Variants in C2orf80 observed in about 807,000 individuals in gnomAD.
C2orf80 encodes the protein uncharacterized protein C2orf80.
Under a neutral mutation model 30.2 loss-of-function variants are expected in C2orf80, and 28 were observed. The ratio of observed to expected loss-of-function variants is 0.93; its 90% confidence interval spans 0.69 to 1.27. The LOEUF (loss-of-function observed/expected upper bound fraction) is 1.27. Ranked by LOEUF, C2orf80 falls within the 50% of genes most tolerant of loss-of-function variation. C2orf80 has a pLI of 0.00. For synonymous variants in C2orf80, 80 were observed against 76.4 expected, an observed-to-expected ratio of 1.05 and a Z score of -0.24; for missense variants, 220 against 231.0, an observed-to-expected ratio of 0.95 and a Z score of 0.31.
Position 208,186,932 on chromosome 2 carries a change from TCA to T in C2orf80, c.41+12_41+13del. On this transcript the variant is annotated intron_variant, in intron 2 of 8. Coordinates refer to ENST00000341287, the MANE Select transcript of C2orf80 (RefSeq NM_001099334.3). ...CAAGTGTCATAAATGAAAGTTATTCTCAGTCATACTTACAAGAGCTTTTTCAT... is the reference window on the plus strand; with the variant it reads ...CAAGTGTCATAAATGAAAGTTATTCTGTCATACTTACAAGAGCTTTTTCAT... 6.2e-7 allele frequency: 1 copy of T among 1,611,270 alleles called. No individual in the cohort carries two copies. Among genetic ancestry groups the T allele is most frequent in the Non-Finnish European group, 8.5e-7 (1 of 1,177,330 alleles).
At chr2:208,172,408 A>T (rs1559337996) in intron 6 of C2orf80, among the ~76,000 whole-genome samples, 1 of 152,052 alleles carries the variant, frequency 6.6e-6, no homozygotes, top group African/African-American at 2.4e-5. Flanking sequence ...TAGCTCAAAT[A>T]TGACCCCTTC....
Position 208,171,037 on chromosome 2 carries a change from T to C in C2orf80, c.481A>G (p.Asn161Asp), listed in dbSNP as rs753334962. The change falls in exon 8 of 9, where the codon AAT (asparagine) becomes GAT (aspartate). Residue 161 changes from asparagine to aspartate, a missense_variant. Coordinates refer to ENST00000341287, the MANE Select transcript of C2orf80 (RefSeq NM_001099334.3). ...QSVKSRKVTT[N>D]KNATSISAKE... is the part of the protein sequence containing the mutation. ...GCAGAGATGCTGGTGGCATTTTTAT[T>C]TGTTGTTACCTTTCTTGACTTGACA... 5 of 1,614,100 alleles carry C rather than the reference T, an allele frequency of 3.1e-6. No homozygotes were observed. Among genetic ancestry groups the C allele is most frequent in the Non-Finnish European group, 4.2e-6 (5 of 1,179,922 alleles).
In C2orf80 at chr2:208,172,072, G is replaced by C. The variant is rs1160983759; in HGVS notation, c.370C>G (p.Pro124Ala). Residue 124 changes from proline (P) to alanine (A), a missense_variant, in exon 7 of 9, where the codon CCC becomes GCC. Coordinates refer to ENST00000341287, the MANE Select transcript of C2orf80 (RefSeq NM_001099334.3). Reference protein sequence around the residue: ...SSADSGTIKVPRVSSLCLSLH... With the variant: ...SSADSGTIKVARVSSLCLSLH... ...GAGAGGCAGAGAGATGAAACTCGGGGAACCTGAAAGGAAAACAGTCCTACT... is the reference window on the plus strand; with the variant it reads ...GAGAGGCAGAGAGATGAAACTCGGGCAACCTGAAAGGAAAACAGTCCTACT... 2 of 1,610,922 alleles carry C rather than the reference G, an allele frequency of 1.2e-6. No homozygotes were observed. Among genetic ancestry groups the C allele is most frequent in the Admixed American group, 3.3e-5 (2 of 59,990 alleles).
chr2:208,182,944 A>G, intron 4 of C2orf80, 21 bp downstream of exon 4: 1 of 1,590,360 alleles, frequency 6.3e-7, no homozygotes. Context: ...AGAGGAAAGC[A>G]ACAAACCTAC....
At chr2:208,188,332 G>A (rs1696779945) in intron 1 of C2orf80, among the ~76,000 whole-genome samples, 1 of 151,992 alleles carries the variant, frequency 6.6e-6, no homozygotes, top group South Asian at 2.1e-4. Context: ...TTTTGAAAAT[G>A]GTACCATATA....
At chr2:208,169,730 G>A (rs1308039428) in intron 8 of C2orf80, among the ~76,000 whole-genome samples, 1 of 141,084 alleles carries the variant, frequency 7.1e-6, no homozygotes, top group African/African-American at 2.6e-5. Context: ...AAAAAAAAAG[G>A]AAAAGAAAAA....
chr2:208,186,354 A>G (rs1051426177), intron 2 of C2orf80, among the ~76,000 whole-genome samples: 4 of 152,248 alleles, frequency 2.6e-5, no homozygotes, highest in Non-Finnish European at 5.9e-5. Flanking sequence ...GACATAGAAC[A>G]TAATCTTTCT....
intron 3 of C2orf80, 101 bp downstream of exon 3, chr2:208,184,850 G>A (rs1423339376): frequency 1.2e-5 from 10 of 864,866 alleles, no homozygotes; most frequent in Non-Finnish European, 1.8e-5. Context: ...GGGGATGGGT[G>A]TCAATATTAG....
At chr2:208,169,637 C>T (rs184313035) in intron 8 of C2orf80, among the ~76,000 whole-genome samples, 57 of 148,362 alleles carry the variant, frequency 3.8e-4, no homozygotes, top group African/African-American at 1.2e-3. Context: ...CGCTTGAACT[C>T]GGGAAGTGGA....
In C2orf80 at chr2:208,187,633, A is replaced by G. The variant is rs144364971; in HGVS notation, c.-75-572T>C. Among the ~76,000 whole-genome samples, 3 of 152,326 alleles carry G rather than the reference A, an allele frequency of 2.0e-5. No homozygotes were observed. The East Asian group carries it at 5.8e-4, about 29-fold the overall frequency. On this transcript the variant is annotated intron_variant, in intron 1 of 8. Coordinates refer to ENST00000341287, the MANE Select transcript of C2orf80 (RefSeq NM_001099334.3). ...GTCTGAAGTCACCAAAAAGGAGTCT[A>G]TAGAAAATCATCACTATTGAATGGG... is the stretch of plus-strand genomic sequence containing the variant.
chr2:208,183,627 A>G (rs981110361), intron 3 of C2orf80, among the ~76,000 whole-genome samples: 1 of 152,100 alleles, frequency 6.6e-6, no homozygotes, highest in Non-Finnish European at 1.5e-5. Flanking sequence ...GAATCCCAAG[A>G]AGCTTCAGAG....
At chr2:208,180,687 A>G (rs1042997333) in intron 6 of C2orf80, 58 bp downstream of exon 6, 7 of 1,291,310 alleles carry the variant, frequency 5.4e-6, no homozygotes, top group Non-Finnish European at 7.8e-6. Flanking sequence ...ATACATTTAT[A>G]CACTAAATAA....
chr2:208,189,818 G>A (rs1696823580), intron 1 of C2orf80, 135 bp downstream of exon 1: 2 of 651,732 alleles, frequency 3.1e-6, no homozygotes, highest in Non-Finnish European at 5.5e-6. Context: ...AATTCTATAG[G>A]AATATCATTT....
chr2:208,166,245 T>G (rs1695883258), intron 8 of C2orf80, among the ~76,000 whole-genome samples: 1 of 152,196 alleles, frequency 6.6e-6, no homozygotes, highest in South Asian at 2.1e-4. Context: ...TATATATACA[T>G]AACTTCTAAT....
intron 2 of C2orf80, 151 bp from the exon 3 acceptor site, chr2:208,185,183 T>C: frequency 1.7e-6 from 1 of 579,366 alleles, no homozygotes; most frequent in Non-Finnish European, 3.1e-6. Flanking sequence ...TCGGTTTTGG[T>C]TTACACGACA....
At chr2:208,181,332 G>C (rs1696552963) in intron 4 of C2orf80, 27 bp from the exon 5 acceptor site, 1 of 1,451,300 alleles carries the variant, frequency 6.9e-7, no homozygotes, top group African/African-American at 1.4e-5. Flanking sequence ...AATACAAGTG[G>C]AAGATTTATT....
intron 6 of C2orf80, among the ~76,000 whole-genome samples, chr2:208,175,187 G>A (rs943268536): frequency 7.8e-6 from 1 of 127,488 alleles, no homozygotes; most frequent in Non-Finnish European, 1.6e-5. Flanking sequence ...TCGGGAGGCT[G>A]AGGCGAGAGA....
At chr2:208,173,538 T>C (rs1696176847) in intron 6 of C2orf80, among the ~76,000 whole-genome samples, 1 of 152,024 alleles carries the variant, frequency 6.6e-6, no homozygotes, top group Admixed American at 6.5e-5. Flanking sequence ...GGCAGGAGAA[T>C]GGTGTGAACC....
At chr2:208,166,676 T>C (rs1041694826) in intron 8 of C2orf80, among the ~76,000 whole-genome samples, 1 of 151,570 alleles carries the variant, frequency 6.6e-6, no homozygotes, top group Non-Finnish European at 1.5e-5. Context: ...TTTGAGACGG[T>C]GTCTCACTCT....
Sources: gnomAD v4.1 joint callset for allele counts (sites outside exome capture counted in the v4.1 genomes callset) on GRCh38, gnomAD v4.1.1 for gene constraint, MANE v1.5 for transcripts, NCBI Gene and HGNC (gene_info 2026-07-23, HGNC 2026-07-21) for gene names.